Variants in RAE1 observed in about 807,000 individuals in gnomAD.
RAE1 encodes the protein mRNA export factor RAE1.
A neutral mutation model predicts 52.7 loss-of-function variants in RAE1; 13 were observed. The observed-to-expected ratio is 0.25, with a 90% confidence interval of 0.16 to 0.39. The LOEUF (loss-of-function observed/expected upper bound fraction) is 0.39. Ranked by LOEUF, RAE1 falls within the 10% of genes least tolerant of loss-of-function variation. The probability of loss-of-function intolerance (pLI) is 1.00; values close to 1 mark genes in which losing one functional copy is unlikely to be tolerated. For missense variants in RAE1, 262 were observed against 459.8 expected, an observed-to-expected ratio of 0.57 and a Z score of 3.93; for synonymous variants, 164 against 153.1, an observed-to-expected ratio of 1.07 and a Z score of -0.52.
intron 5 of RAE1, among the ~76,000 whole-genome samples, chr20:57,365,721 G>A (rs2146156368): frequency 6.6e-6 from 1 of 152,270 alleles, no homozygotes; most frequent in East Asian, 1.9e-4. Context: ...ATGAAAGACA[G>A]GTCATAGGTG....
intron 1 of RAE1, among the ~76,000 whole-genome samples, chr20:57,352,422 A>G (rs939587010): frequency 1.3e-5 from 2 of 152,158 alleles, no homozygotes; most frequent in African/African-American, 4.8e-5. Flanking sequence ...TCAGCGGAGA[A>G]AGGAAGCCAG....
chr20:57,354,085 G>A lies in RAE1; in HGVS notation c.47G>A (p.Ser16Asn), dbSNP rs1287125536. Residue 16 changes from serine to asparagine, a missense_variant, in exon 2 of 12, where the codon AGC becomes AAC. By Grantham distance (46) the Ser-to-Asn change is conservative. Transcript: ENST00000395841. ...TCAGGTTTTGGAACCAGTGGGACCA[G>A]CATGTTTGGCAGTGCAACTACAGAC... Reference protein sequence around the residue: ...TTSGFGTSGTSMFGSATTDNH... With the variant: ...TTSGFGTSGTNMFGSATTDNH... The A allele has an allele frequency of 6.2e-7, 1 of 1,614,086 alleles. No individual in the cohort carries two copies. Among genetic ancestry groups the A allele is most frequent in the South Asian group, 1.1e-5 (1 of 91,066 alleles).
chr20:57,370,799 A>G (rs1274144750), intron 8 of RAE1, among the ~76,000 whole-genome samples: 1 of 152,124 alleles, frequency 6.6e-6, no homozygotes, highest in Non-Finnish European at 1.5e-5. Context: ...TTTTGTTTGT[A>G]TTTGTTGCTG....
chr20:57,377,615 C>T (rs1314704803), intron 11 of RAE1, among the ~76,000 whole-genome samples: 1 of 152,192 alleles, frequency 6.6e-6, no homozygotes, highest in Non-Finnish European at 1.5e-5. Flanking sequence ...GGGGTGTCCT[C>T]CTTCATCCCC....
intron 8 of RAE1, chr20:57,373,186 C>T (rs1353052303): frequency 1.7e-5 from 7 of 400,226 alleles, no homozygotes; most frequent in East Asian, 5.3e-5. Flanking sequence ...CTGTCTGCCT[C>T]GCAGCCCATG....
intron 7 of RAE1, among the ~76,000 whole-genome samples, chr20:57,367,305 C>A (rs1444483839): frequency 6.6e-6 from 1 of 152,124 alleles, no homozygotes; most frequent in Admixed American, 6.6e-5. Context: ...AGTTTTCCTG[C>A]CACTCGTTTG....
intron 2 of RAE1, 82 bp downstream of exon 2, chr20:57,354,210 G>A: frequency 1.6e-6 from 2 of 1,229,422 alleles, no homozygotes; most frequent in Non-Finnish European, 2.3e-6. Flanking sequence ...GAGATGACTT[G>A]GGAGCCTCCT....
chr20:57,369,639 C>A (rs973468124), intron 8 of RAE1, among the ~76,000 whole-genome samples: 6 of 152,202 alleles, frequency 3.9e-5, no homozygotes, highest in African/African-American at 9.7e-5. Flanking sequence ...TGGGTTGGTT[C>A]CATTGTAAAT....
intron 10 of RAE1, 84 bp downstream of exon 10, chr20:57,373,822 A>T: frequency 7.3e-7 from 1 of 1,374,396 alleles, no homozygotes; most frequent in Middle Eastern, 1.8e-4. Context: ...ATCAGAAAAG[A>T]CTCATCACTG....
intron 1 of RAE1, 94 bp from the exon 2 acceptor site, chr20:57,353,938 T>C: frequency 1.8e-6 from 2 of 1,120,782 alleles, no homozygotes; most frequent in Non-Finnish European, 2.6e-6. Context: ...CAAGCCACTT[T>C]GAGTATTTCT....
chr20:57,364,863 TA>T (rs1395591746), intron 4 of RAE1, among the ~76,000 whole-genome samples: 1 of 152,218 alleles, frequency 6.6e-6, no homozygotes, highest in Non-Finnish European at 1.5e-5. Context: ...TGTTATTAGA[TA>T]GGGACCGAAT....
Position 57,378,468 on chromosome 20 carries a change from C to T in RAE1, c.*369C>T, listed in dbSNP as rs2146188371. 1 of 181,746 alleles carries T rather than the reference C, an allele frequency of 5.5e-6. No homozygotes were observed. Among genetic ancestry groups the T allele is most frequent in the Non-Finnish European group, 1.1e-5 (1 of 87,160 alleles). 11.3% of individuals were successfully genotyped at this position (181,746 alleles called of 1,614,324 possible). ...CTTTTGCAGATTGCTTCCCGAGCTT[C>T]CTTTGTCCTTTTCTCCCCTTGCCCA... On this transcript the variant is annotated 3_prime_UTR_variant, in exon 12 of 12. Transcript: ENST00000395841.
chr20:57,359,124 G>T, intron 4 of RAE1: 1 of 930,166 alleles, frequency 1.1e-6, no homozygotes. Flanking sequence ...TATGTCACTG[G>T]GCAGATAGTG....
chr20:57,375,980 C>A (rs2146182379), intron 11 of RAE1, among the ~76,000 whole-genome samples: 1 of 152,364 alleles, frequency 6.6e-6, no homozygotes, highest in African/African-American at 2.4e-5. Flanking sequence ...CCACAGGGCT[C>A]TAAACAGCGC....
At chr20:57,367,912 A>G (rs1021852908) in intron 7 of RAE1, among the ~76,000 whole-genome samples, 1 of 151,972 alleles carries the variant, frequency 6.6e-6, no homozygotes, top group African/African-American at 2.4e-5. Flanking sequence ...GGTTTTTGAG[A>G]TGGAGTCTTG....
At chr20:57,376,877 G>T (rs928540611) in intron 11 of RAE1, among the ~76,000 whole-genome samples, 1 of 152,242 alleles carries the variant, frequency 6.6e-6, no homozygotes, top group Non-Finnish European at 1.5e-5. Flanking sequence ...AGTGAGAAAG[G>T]TAATTGCTTT....
intron 4 of RAE1, among the ~76,000 whole-genome samples, chr20:57,362,901 C>T (rs1376747209): frequency 6.6e-6 from 1 of 152,176 alleles, no homozygotes; most frequent in Admixed American, 6.5e-5. Context: ...CTGCCTCAGC[C>T]TCCCAAGTAG....
At chr20:57,359,692 G>A (rs2066862628) in intron 4 of RAE1, 1 of 152,232 alleles carries the variant, frequency 6.6e-6, no homozygotes, top group Admixed American at 6.5e-5. Flanking sequence ...CCACTGTTTT[G>A]CCACATAGGT....
chr20:57,354,394 C>T (rs2066754474), intron 2 of RAE1, among the ~76,000 whole-genome samples: 1 of 152,226 alleles, frequency 6.6e-6, no homozygotes, highest in African/African-American at 2.4e-5. Context: ...GGACTGTTGA[C>T]TCAGAATTCC....
Sources: allele counts gnomAD v4.1 joint callset (sites outside exome capture counted in the v4.1 genomes callset), GRCh38; gene constraint gnomAD v4.1.1; transcripts MANE v1.5; gene names NCBI Gene and HGNC (gene_info 2026-07-23, HGNC 2026-07-21).